PLCB1: variants seen among roughly 807,000 people sequenced by gnomAD.
PLCB1 encodes 1-phosphatidylinositol 4,5-bisphosphate phosphodiesterase beta-1.
PLCB1 carries 46 observed loss-of-function variants against 161.8 expected under a neutral mutation model. That is an observed-to-expected ratio of 0.28 (90% confidence interval 0.22 to 0.36). The LOEUF (loss-of-function observed/expected upper bound fraction) is 0.36. Ranked by LOEUF, PLCB1 falls within the 10% of genes least tolerant of loss-of-function variation. The probability of loss-of-function intolerance (pLI) is 1.00; values close to 1 mark genes in which losing one functional copy is unlikely to be tolerated. For synonymous variants in PLCB1, 517 were observed against 503.7 expected (o/e 1.03, Z -0.35); for missense variants, 1,016 against 1,472.5 (o/e 0.69, Z 5.07).
intron 2 of PLCB1, among the ~76,000 whole-genome samples, chr20:8,363,825 T>G (rs1436140332): frequency 5.3e-5 from 8 of 152,186 alleles, no homozygotes; most frequent in Admixed American, 4.6e-4. Context: ...TCAATAGTAG[T>G]CATAACTATC....
At chr20:8,293,539 A>T (rs1983481481) in intron 2 of PLCB1, among the ~76,000 whole-genome samples, 1 of 152,180 alleles carries the variant, frequency 6.6e-6, no homozygotes, top group South Asian at 2.1e-4. Flanking sequence ...GAGTGTGTAG[A>T]ATGAATAATC....
chr20:8,341,653 C>A (rs1014251330), intron 2 of PLCB1, among the ~76,000 whole-genome samples: 1 of 152,120 alleles, frequency 6.6e-6, no homozygotes, highest in Non-Finnish European at 1.5e-5. Context: ...TGACTTTCTA[C>A]CTCCTTTATA....
In PLCB1 at chr20:8,692,134, G is replaced by A. The variant is rs565546937; in HGVS notation, c.1010-5492G>A. 2.6e-5 allele frequency among the ~76,000 whole-genome samples: 4 copies of A among 152,246 alleles called. No homozygotes were observed. The South Asian group carries it at 8.3e-4, about 32-fold the overall frequency. On this transcript the variant is annotated intron_variant, in intron 10 of 31. Coordinates refer to ENST00000338037, the MANE Select transcript of PLCB1 (RefSeq NM_015192.4). Reference sequence around the variant, plus strand: ...AGAAACCATTAGATTTGAGGGTTTTGCTATCCCCAATAATCTGATGAATTA... The same window carrying A: ...AGAAACCATTAGATTTGAGGGTTTTACTATCCCCAATAATCTGATGAATTA...
At chr20:8,872,520 G>C (rs750295427) in intron 31 of PLCB1, among the ~76,000 whole-genome samples, 3 of 152,132 alleles carry the variant, frequency 2.0e-5, no homozygotes, top group Non-Finnish European at 4.4e-5. Flanking sequence ...TTTGTCTATA[G>C]GTGTCAGTCC....
intron 18 of PLCB1, among the ~76,000 whole-genome samples, chr20:8,731,544 A>G (rs1235263406): frequency 6.6e-6 from 1 of 151,936 alleles, no homozygotes; most frequent in Non-Finnish European, 1.5e-5. Flanking sequence ...TCTTTAACAT[A>G]CTAAAGGACA....
At chr20:8,620,930 C>T (rs987545819) in intron 3 of PLCB1, among the ~76,000 whole-genome samples, 3 of 151,948 alleles carry the variant, frequency 2.0e-5, no homozygotes, top group Non-Finnish European at 2.9e-5. Context: ...TTAAATTATG[C>T]TCTGAGGTTT....
intron 9 of PLCB1, among the ~76,000 whole-genome samples, chr20:8,682,991 A>C (rs1412702275): frequency 6.6e-6 from 1 of 152,096 alleles, no homozygotes; most frequent in Non-Finnish European, 1.5e-5. Context: ...AACTTTAATG[A>C]TCAATGATAA....
In PLCB1 at chr20:8,232,750, A is replaced by G. The variant is rs141988627; in HGVS notation, c.177+82379A>G. ...TACACACCTAGCTCTAATTGTCCTAATATTGGCATTCTCTTGTTTTGGACT... is the reference window on the plus strand; with the variant it reads ...TACACACCTAGCTCTAATTGTCCTAGTATTGGCATTCTCTTGTTTTGGACT... On this transcript the variant is annotated intron_variant, in intron 2 of 31. Coordinates refer to ENST00000338037, the MANE Select transcript of PLCB1 (RefSeq NM_015192.4). Among the ~76,000 whole-genome samples, 877 of 152,246 alleles carry G rather than the reference A, an allele frequency of 5.8e-3. 4 individuals are homozygous for G. The highest frequency in any genetic ancestry group is 0.019 in the African/African-American group (794 of 41,566).
chr20:8,563,481 G>A (rs183158721), intron 3 of PLCB1, among the ~76,000 whole-genome samples: 74 of 151,982 alleles, frequency 4.9e-4, no homozygotes, highest in African/African-American at 1.6e-3. Flanking sequence ...TGGCTGATGC[G>A]GTTCAGAGAA....
intron 1 of PLCB1, among the ~76,000 whole-genome samples, chr20:8,149,795 A>G (rs376313174): frequency 1.6e-4 from 24 of 152,264 alleles, no homozygotes; most frequent in Middle Eastern, 3.4e-3. Flanking sequence ...GAAATTTGCA[A>G]CAAGTTTGTA....
At chr20:8,684,766 G>T (rs543566986) in intron 9 of PLCB1, among the ~76,000 whole-genome samples, 166 bp from the exon 10 acceptor site, 24 of 150,834 alleles carry the variant, frequency 1.6e-4, no homozygotes, top group African/African-American at 5.8e-4. Context: ...GTGACATTTG[G>T]AAATAATTGT....
intron 3 of PLCB1, among the ~76,000 whole-genome samples, chr20:8,440,153 A>T (rs1007230896): frequency 6.6e-6 from 1 of 152,186 alleles, no homozygotes; most frequent in Non-Finnish European, 1.5e-5. Context: ...ATGAAATGGG[A>T]AGATTTAAAC....
chr20:8,791,999 A>G (rs1442869865), intron 31 of PLCB1: 1 of 152,288 alleles, frequency 6.6e-6, no homozygotes, highest in Non-Finnish European at 1.5e-5. Flanking sequence ...ATTCAGAGGT[A>G]CTACAGTTGT....
At chr20:8,606,175 C>A (rs948301808) in intron 3 of PLCB1, among the ~76,000 whole-genome samples, 11 of 152,138 alleles carry the variant, frequency 7.2e-5, no homozygotes, top group Admixed American at 7.2e-4. Context: ...ATAGTTTCAT[C>A]ATCATGGTTT....
At chr20:8,267,756 C>G (rs140300451) in intron 2 of PLCB1, among the ~76,000 whole-genome samples, 20 of 152,166 alleles carry the variant, frequency 1.3e-4, no homozygotes, top group African/African-American at 4.8e-4. Flanking sequence ...TTCTGGGGTT[C>G]AAATACTCTC....
In PLCB1 at chr20:8,772,394, C is replaced by T. The variant is rs368908591; in HGVS notation, c.2931-2145C>T. ...TAAGAGCACAGGTGTTGCCCTTCTG[C>T]CCCTGTAATTTTTGACCTTGGGCAA... On this transcript the variant is annotated intron_variant, in intron 26 of 31. Coordinates refer to ENST00000338037, the MANE Select transcript of PLCB1 (RefSeq NM_015192.4). 2.0e-3 allele frequency among the ~76,000 whole-genome samples: 309 copies of T among 152,260 alleles called. 8 individuals are homozygous for T. In the South Asian group the frequency reaches 0.043, roughly 21 times the overall value.
intron 1 of PLCB1, among the ~76,000 whole-genome samples, chr20:8,141,361 C>T (rs560781559): frequency 2.6e-5 from 4 of 152,236 alleles, no homozygotes; most frequent in East Asian, 3.9e-4. Flanking sequence ...CAGTGGCTCA[C>T]GCCTGTAATC....
At chr20:8,203,979 G>C (rs926642457) in intron 2 of PLCB1, among the ~76,000 whole-genome samples, 2 of 151,994 alleles carry the variant, frequency 1.3e-5, no homozygotes, top group Non-Finnish European at 2.9e-5. Context: ...TTCCCTCTTG[G>C]TGCCTTCTGG....
At chr20:8,595,443 T>C (rs1483211074) in intron 3 of PLCB1, among the ~76,000 whole-genome samples, 1 of 117,132 alleles carries the variant, frequency 8.5e-6, no homozygotes, top group Non-Finnish European at 1.8e-5. Context: ...TCATTTTTTA[T>C]GGCTGCATAG....
Sources: allele counts gnomAD v4.1 joint callset (sites outside exome capture counted in the v4.1 genomes callset), GRCh38; gene constraint gnomAD v4.1.1; transcripts MANE v1.5; gene names NCBI Gene and HGNC (gene_info 2026-07-23, HGNC 2026-07-21).